The following MAGI3 variants were observed in gnomAD, a reference collection of about 807,000 sequenced individuals.
MAGI3 encodes membrane-associated guanylate kinase, WW and PDZ domain-containing protein 3.
MAGI3 carries 43 observed loss-of-function variants against 121.8 expected under a neutral mutation model. That is an observed-to-expected ratio of 0.35 (90% CI 0.28 to 0.46). The LOEUF (loss-of-function observed/expected upper bound fraction) is 0.46. Among genes scored for constraint, MAGI3 ranks in the 20% least tolerant of loss-of-function variants. The probability of loss-of-function intolerance (pLI) is 1.00; values close to 1 mark genes in which losing one functional copy is unlikely to be tolerated. For missense variants in MAGI3, 1,547 were observed against 1,797.3 expected, an observed-to-expected ratio of 0.86 and a Z score of 2.52; for synonymous variants, 553 against 639.3, an observed-to-expected ratio of 0.86 and a Z score of 2.04.
At chr1:113,449,514 C>T (rs1654370699) in intron 1 of MAGI3, among the ~76,000 whole-genome samples, 1 of 152,098 alleles carries the variant, frequency 6.6e-6, no homozygotes. Flanking sequence ...TTAAAATTTC[C>T]AGACCGTTGG....
chr1:113,650,488 G>A (rs538607553), intron 13 of MAGI3, among the ~76,000 whole-genome samples: 163 of 152,298 alleles, frequency 1.1e-3, no homozygotes, highest in African/African-American at 3.8e-3. Flanking sequence ...TGTTCACCTA[G>A]ATGCAAGTGA....
At chr1:113,506,322 C>T (rs1657322341) in intron 1 of MAGI3, among the ~76,000 whole-genome samples, 1 of 151,956 alleles carries the variant, frequency 6.6e-6, no homozygotes, top group African/African-American at 2.4e-5. Flanking sequence ...TGTTTAAAAG[C>T]AAAGCAGATA....
chr1:113,676,422 G>C (rs909945257), intron 19 of MAGI3, among the ~76,000 whole-genome samples: 1 of 152,156 alleles, frequency 6.6e-6, no homozygotes, highest in Non-Finnish European at 1.5e-5. Context: ...AACATGACAT[G>C]CTTTATGAAT....
At chr1:113,668,318 A>G (rs1402696048) in intron 16 of MAGI3, among the ~76,000 whole-genome samples, 1 of 152,212 alleles carries the variant, frequency 6.6e-6, no homozygotes, top group African/African-American at 2.4e-5. Flanking sequence ...TGTAATTCTC[A>G]TCGAAGGAGA....
chr1:113,405,474 C>CAAAAAAAAAAAAAAAAA (rs5777158), intron 1 of MAGI3, among the ~76,000 whole-genome samples: 3 of 54,328 alleles, frequency 5.5e-5, no homozygotes, highest in African/African-American at 1.5e-4. Flanking sequence ...GAAACTGTCT[C>CAAAAAAAAAAAAAAAAA]AAAAAAAAAA....
intron 6 of MAGI3, among the ~76,000 whole-genome samples, chr1:113,599,964 CA>C (rs1223517493): frequency 3.3e-5 from 5 of 152,154 alleles, no homozygotes; most frequent in African/African-American, 1.2e-4. Flanking sequence ...GAACCAAAGA[CA>C]AAAACCACAT....
chr1:113,682,240 C>T (rs200917329), intron 20 of MAGI3: 102 of 1,610,810 alleles, frequency 6.3e-5, no homozygotes, highest in African/African-American at 3.2e-4. Flanking sequence ...TGTGCTCCTA[C>T]GTGAAACCCG....
chr1:113,431,702 G>C (rs2101421663), intron 1 of MAGI3, among the ~76,000 whole-genome samples: 1 of 152,236 alleles, frequency 6.6e-6, no homozygotes, highest in East Asian at 1.9e-4. Flanking sequence ...ATTTTATTGA[G>C]TGAAAATTAA....
chr1:113,543,559 G>A (rs1367800264), intron 1 of MAGI3, among the ~76,000 whole-genome samples: 1 of 152,090 alleles, frequency 6.6e-6, no homozygotes, highest in Non-Finnish European at 1.5e-5. Context: ...AGGGTCAAAT[G>A]AATAGTTAAA....
intron 1 of MAGI3, among the ~76,000 whole-genome samples, chr1:113,425,364 G>T (rs1652953925): frequency 7.6e-6 from 1 of 130,840 alleles, no homozygotes; most frequent in Admixed American, 9.0e-5. Context: ...CTCACTGCAA[G>T]CTCCGCCTCC....
intron 2 of MAGI3, among the ~76,000 whole-genome samples, chr1:113,559,825 C>A (rs1660149570): frequency 6.6e-6 from 1 of 152,154 alleles, no homozygotes; most frequent in African/African-American, 2.4e-5. Flanking sequence ...CTCATCTTGG[C>A]CTGCCAAAGT....
chr1:113,474,708 G>C (rs974435091), intron 1 of MAGI3, among the ~76,000 whole-genome samples: 1 of 152,154 alleles, frequency 6.6e-6, no homozygotes, highest in African/African-American at 2.4e-5. Context: ...GCTTAGGATT[G>C]TCTTGGTACT....
At chr1:113,681,155 G>T (rs900778875) in intron 19 of MAGI3, 43 bp from the exon 20 acceptor site, 1 of 1,593,334 alleles carries the variant, frequency 6.3e-7, no homozygotes, top group African/African-American at 1.4e-5. Flanking sequence ...ATTTACAAAG[G>T]ATGCATAGTT....
chr1:113,513,391 A>G (rs10857998), intron 1 of MAGI3, among the ~76,000 whole-genome samples: 82,840 of 152,010 alleles, frequency 0.54, 23,881 homozygotes, highest in African/African-American at 0.72. Flanking sequence ...ACAAGGCTAC[A>G]GTGACCAAAA....
At chr1:113,503,936 A>G (rs1041392331) in intron 1 of MAGI3, among the ~76,000 whole-genome samples, 6 of 152,072 alleles carry the variant, frequency 3.9e-5, no homozygotes, top group African/African-American at 7.2e-5. Flanking sequence ...GAGAGTCTCT[A>G]TAATGGATAG....
chr1:113,680,543 G>A (rs1314312547), intron 19 of MAGI3, among the ~76,000 whole-genome samples: 1 of 151,906 alleles, frequency 6.6e-6, no homozygotes, highest in East Asian at 1.9e-4. Context: ...GGATCACGAG[G>A]TCAGGAGATC....
intron 2 of MAGI3, among the ~76,000 whole-genome samples, chr1:113,553,946 T>G (rs1570851086): frequency 6.6e-6 from 1 of 152,104 alleles, no homozygotes. Context: ...GAAGTGGAGG[T>G]TGCAGTGAGC....
chr1:113,424,182 G>A (rs114764137), intron 1 of MAGI3, among the ~76,000 whole-genome samples: 10,062 of 151,668 alleles, frequency 0.066, 460 homozygotes, highest in Middle Eastern at 0.13. Context: ...GGAGTGTGCA[G>A]CTCCAGCCAC....
At position 113,584,966 on chromosome 1, in the gene MAGI3, C is replaced by CAATTTTTTTTTTTTTTTTTTTTT. The variant is rs61622151; in HGVS notation, c.554-421_554-420insAATTTTTTTTTTTTTTTTTTTTT. ...TCCTTTTGGCCAATGGTAGATATTT[C>CAATTTTTTTTTTTTTTTTTTTTT]CTTTTTTTTTTTTTTTTTTTTTTGA... On this transcript the variant is annotated intron_variant, in intron 3 of 20. Coordinates refer to ENST00000307546, the MANE Select transcript of MAGI3 (RefSeq NM_001142782.2). Among the ~76,000 whole-genome samples, 11 of 110,730 alleles carry CAATTTTTTTTTTTTTTTTTTTTT rather than the reference C, an allele frequency of 9.9e-5. 5 individuals carry two copies. Among genetic ancestry groups the CAATTTTTTTTTTTTTTTTTTTTT allele is most frequent in the African/African-American group, 2.2e-4 (6 of 27,324 alleles). The allele number at this position is 110,730 out of a possible 152,430, so 72.6% of individuals were successfully genotyped here.
Sources: allele counts gnomAD v4.1 joint callset (sites outside exome capture counted in the v4.1 genomes callset), GRCh38; gene constraint gnomAD v4.1.1; transcripts MANE v1.5; gene names NCBI Gene and HGNC (gene_info 2026-07-23, HGNC 2026-07-21).